SCAPER: variants seen among roughly 807,000 people sequenced by gnomAD.
The protein encoded by SCAPER is S phase cyclin A-associated protein in the endoplasmic reticulum.
Under a neutral mutation model 182.2 loss-of-function variants are expected in SCAPER, and 98 were observed. The observed-to-expected ratio is 0.54, with a 90% CI of 0.46 to 0.64. SCAPER has a LOEUF of 0.64. SCAPER is among the 30% of genes least tolerant of loss of function. The probability of loss-of-function intolerance (pLI) is 0.00; values close to 1 mark genes in which losing one functional copy is unlikely to be tolerated. For missense variants in SCAPER, 1,432 were observed against 1,690.0 expected, an observed-to-expected ratio of 0.85 and a Z score of 2.68; for synonymous variants, 605 against 564.6, an observed-to-expected ratio of 1.07 and a Z score of -1.01.
chr15:76,728,691 T>C lies in SCAPER; in HGVS notation c.2069A>G (p.Glu690Gly). The stretch of plus-strand genomic sequence containing the variant: ...TTGTTCTTTCCTCTTCATTAACAAT[T>C]CTTCTACACGGGCCTGCCGCTCTGC... The part of the protein sequence containing the change: ...LEAERQARVE[E>G]LLMKRKEQEA... Residue 690 changes from glutamate (E) to glycine (G), a missense_variant, in exon 17 of 32, where the codon GAA becomes GGA. By Grantham distance (98) the Glu-to-Gly change is moderately conservative (BLOSUM62 -2). Transcript: ENST00000563290. The C allele has an allele frequency of 6.2e-7, 1 of 1,613,422 alleles. No individual in the cohort carries two copies. Among genetic ancestry groups the C allele is most frequent in the Non-Finnish European group, 8.5e-7 (1 of 1,179,648 alleles).
At chr15:76,711,396 T>C (rs959346711) in intron 17 of SCAPER, among the ~76,000 whole-genome samples, 3 of 152,098 alleles carry the variant, frequency 2.0e-5, no homozygotes, top group Non-Finnish European at 4.4e-5. Context: ...AGAAGACATA[T>C]GAACAGCTAA....
At chr15:76,519,410 G>A (rs2042676410) in intron 23 of SCAPER, among the ~76,000 whole-genome samples, 1 of 152,218 alleles carries the variant, frequency 6.6e-6, no homozygotes, top group South Asian at 2.1e-4. Flanking sequence ...GTAGGGATCT[G>A]AGAAAGATAG....
chr15:76,443,237 T>A (rs958173860), intron 25 of SCAPER, among the ~76,000 whole-genome samples: 1 of 152,222 alleles, frequency 6.6e-6, no homozygotes, highest in African/African-American at 2.4e-5. Context: ...AAACTATGCA[T>A]GGATTTCAAT....
intron 15 of SCAPER, among the ~76,000 whole-genome samples, chr15:76,736,247 G>A (rs572391155): frequency 7.2e-5 from 11 of 152,222 alleles, no homozygotes; most frequent in South Asian, 4.1e-4. Flanking sequence ...ATGAACATTC[G>A]AGCCATTAGC....
rs1054534004 is a variant in SCAPER at position 76,522,334 on chromosome 15, T to C, written c.2839-17360A>G. ...TGGAGAGATACTTCTTCAATCACTA[T>C]ACAATGACTGATTCACCAGTAGGAA... On this transcript the variant is annotated intron_variant, in intron 23 of 31. Transcript: ENST00000563290. Among the ~76,000 whole-genome samples the C allele has an allele frequency of 5.9e-5, 9 of 152,288 alleles. No homozygotes were observed. The South Asian group carries it at 6.2e-4, about 11-fold the overall frequency.
At chr15:76,727,863 A>G (rs982240576) in intron 17 of SCAPER, among the ~76,000 whole-genome samples, 1 of 152,060 alleles carries the variant, frequency 6.6e-6, no homozygotes, top group Non-Finnish European at 1.5e-5. Context: ...AAGAAAAAAA[A>G]GACCCCAATA....
intron 23 of SCAPER, among the ~76,000 whole-genome samples, chr15:76,550,901 A>G (rs927567005): frequency 6.6e-6 from 1 of 152,170 alleles, no homozygotes; most frequent in Non-Finnish European, 1.5e-5. Flanking sequence ...CTGGTATGAG[A>G]TGTGACATTT....
chr15:76,481,301 A>G (rs1596914521), intron 24 of SCAPER, among the ~76,000 whole-genome samples: 1 of 152,326 alleles, frequency 6.6e-6, no homozygotes, highest in Admixed American at 6.5e-5. Flanking sequence ...TATTTTATTA[A>G]GCTTTCACTG....
intron 21 of SCAPER, among the ~76,000 whole-genome samples, chr15:76,655,466 A>G (rs1225252032): frequency 2.0e-5 from 3 of 152,226 alleles, no homozygotes; most frequent in Non-Finnish European, 2.9e-5. Flanking sequence ...CCTGGAAAGC[A>G]TATTTGAGGA....
intron 25 of SCAPER, among the ~76,000 whole-genome samples, chr15:76,441,287 C>T (rs2142683896): frequency 6.6e-6 from 1 of 152,200 alleles, no homozygotes; most frequent in Non-Finnish European, 1.5e-5. Context: ...GCAATTAATC[C>T]TAAATATCAT....
At chr15:76,677,604 T>A (rs995901942) in intron 20 of SCAPER, among the ~76,000 whole-genome samples, 2 of 151,808 alleles carry the variant, frequency 1.3e-5, no homozygotes, top group African/African-American at 4.8e-5. Context: ...AGTCACACTG[T>A]AAAATTTTAA....
rs369803021 is a variant in SCAPER at position 76,605,407 on chromosome 15, C to T, written c.2711+16357G>A. ...CGTGGTGGATAAGCTTTTTGATGTGCTGCTGGATTCGGTTTGCCAGTATTT... is the reference window on the plus strand; with the variant it reads ...CGTGGTGGATAAGCTTTTTGATGTGTTGCTGGATTCGGTTTGCCAGTATTT... On this transcript the variant is annotated intron_variant, in intron 22 of 31. Transcript: ENST00000563290. Among the ~76,000 whole-genome samples, 18 of 152,252 alleles carry T rather than the reference C, an allele frequency of 1.2e-4. No individual in the cohort carries two copies. In the East Asian group the frequency reaches 3.1e-3, roughly 26 times the overall value.
intron 20 of SCAPER, among the ~76,000 whole-genome samples, chr15:76,677,269 T>C (rs1053531869): frequency 6.6e-6 from 1 of 152,000 alleles, no homozygotes. Context: ...CAGAAATGAG[T>C]CTTAGTTGAC....
At position 76,798,578 on chromosome 15, in the gene SCAPER, T is replaced by G. The variant is rs191531382; in HGVS notation, c.611+1670A>C. Among the ~76,000 whole-genome samples the G allele has an allele frequency of 3.3e-5, 5 of 152,092 alleles. No homozygotes were observed. The East Asian group carries it at 9.7e-4, about 29-fold the overall frequency. On this transcript the variant is annotated intron_variant, in intron 7 of 31. Coordinates refer to ENST00000563290, the MANE Select transcript of SCAPER (RefSeq NM_020843.4). Reference sequence around the variant, plus strand: ...TCCAAGAGACTCAACAAACTCCAAGTATGATAATCTCAGAGAGCCACACTT... The same window carrying G: ...TCCAAGAGACTCAACAAACTCCAAGGATGATAATCTCAGAGAGCCACACTT...
intron 1 of SCAPER, among the ~76,000 whole-genome samples, chr15:76,888,575 A>C (rs920853408): frequency 2.0e-5 from 3 of 152,218 alleles, no homozygotes; most frequent in African/African-American, 7.2e-5. Flanking sequence ...AAAGGATATC[A>C]GTGATTGAAG....
intron 23 of SCAPER, among the ~76,000 whole-genome samples, chr15:76,531,334 G>A (rs1050487522): frequency 3.3e-5 from 5 of 152,070 alleles, no homozygotes; most frequent in African/African-American, 4.8e-5. Flanking sequence ...CTACAAAAAC[G>A]TATCTGAGAC....
chr15:76,587,926 C>G (rs1339948935), intron 22 of SCAPER, among the ~76,000 whole-genome samples: 1 of 144,400 alleles, frequency 6.9e-6, no homozygotes, highest in Non-Finnish European at 1.5e-5. Flanking sequence ...TTTTTCTTTT[C>G]TTTTTTTTTT....
Position 76,841,931 on chromosome 15 carries a change from T to G in SCAPER, c.196A>C (p.Ser66Arg). The part of the protein sequence containing the change: ...IQGTHKTTKQ[S>R]TAVDCKITSS... ...GTTATTTTACAGTCCACTGCAGTACTCTGGTGAAGTAAAATAAAACATGAA... is the reference window on the plus strand; with the variant it reads ...GTTATTTTACAGTCCACTGCAGTACGCTGGTGAAGTAAAATAAAACATGAA... Residue 66 changes from serine (S) to arginine (R), a missense_variant and splice_region_variant, in exon 5 of 32, where the codon AGT (serine) becomes CGT (arginine). This residue lies in a region of SCAPER where 480 missense variants were observed against 510.2 expected (regional missense o/e 0.94). Coordinates refer to ENST00000563290, the MANE Select transcript of SCAPER (RefSeq NM_020843.4). 6.2e-7 allele frequency: 1 copy of G among 1,602,894 alleles called. No homozygotes were observed. Among genetic ancestry groups the G allele is most frequent in the Middle Eastern group, 1.7e-4 (1 of 6,008 alleles).
At chr15:76,481,721 T>G (rs998049770) in intron 24 of SCAPER, among the ~76,000 whole-genome samples, 2 of 152,246 alleles carry the variant, frequency 1.3e-5, no homozygotes, top group Non-Finnish European at 2.9e-5. Context: ...CTGACATTTA[T>G]AGTCATCACT....
Sources: allele counts gnomAD v4.1 joint callset (sites outside exome capture counted in the v4.1 genomes callset), GRCh38; gene constraint gnomAD v4.1.1; regional missense constraint gnomAD v4.1.1; transcripts MANE v1.5; gene names NCBI Gene and HGNC (gene_info 2026-07-23, HGNC 2026-07-21).